Variants in RNF185 observed in about 807,000 individuals in gnomAD.
RNF185 encodes E3 ubiquitin-protein ligase RNF185.
A neutral mutation model predicts 24.9 loss-of-function variants in RNF185; 13 were observed. That is an observed-to-expected ratio of 0.52 (90% CI 0.34 to 0.83). The LOEUF is 0.83. Ranked by LOEUF, RNF185 falls within the 40% of genes least tolerant of loss-of-function variation. The probability of loss-of-function intolerance (pLI) is 0.01; values close to 1 mark genes in which losing one functional copy is unlikely to be tolerated. For synonymous variants in RNF185, 79 were observed against 90.3 expected (o/e 0.88, Z 0.71); for missense variants, 184 against 244.7 (o/e 0.75, Z 1.65).
chr22:31,186,462 TGTG>T (rs368622561), intron 1 of RNF185, among the ~76,000 whole-genome samples: 1,950 of 152,046 alleles, frequency 0.013, 47 homozygotes, highest in African/African-American at 0.044. Flanking sequence ...ATTAGCCAGG[TGTG>T]GTGGCAGGCA....
chr22:31,194,547 GTGAAA>G (rs1197499861), intron 3 of RNF185, among the ~76,000 whole-genome samples: 1 of 152,064 alleles, frequency 6.6e-6, no homozygotes, highest in Non-Finnish European at 1.5e-5. Context: ...GGCCAACATG[GTGAAA>G]CCCTGTCTCT....
chr22:31,184,901 C>T (rs993322338), intron 1 of RNF185, among the ~76,000 whole-genome samples: 6 of 111,394 alleles, frequency 5.4e-5, no homozygotes, highest in East Asian at 3.0e-4. Flanking sequence ...AGAGGGAGAC[C>T]GTGCAAAGGG....
At chr22:31,164,295 T>C (rs1923768827) in intron 1 of RNF185, among the ~76,000 whole-genome samples, 1 of 152,214 alleles carries the variant, frequency 6.6e-6, no homozygotes, top group Non-Finnish European at 1.5e-5. Flanking sequence ...TATTTTGAAA[T>C]AATTTTACTC....
intron 1 of RNF185, among the ~76,000 whole-genome samples, chr22:31,179,003 A>G (rs1208154920): frequency 6.6e-6 from 1 of 152,228 alleles, no homozygotes; most frequent in Non-Finnish European, 1.5e-5. Flanking sequence ...TCCCTGGCCC[A>G]GTGTCCTCAT....
intron 1 of RNF185, among the ~76,000 whole-genome samples, chr22:31,168,913 A>T (rs1924106032): frequency 6.6e-6 from 1 of 151,602 alleles, no homozygotes; most frequent in African/African-American, 2.4e-5. Context: ...ACCACCCTTT[A>T]AAAATTTTTT....
intron 2 of RNF185, among the ~76,000 whole-genome samples, chr22:31,190,572 C>G (rs1356353525): frequency 1.3e-5 from 2 of 151,666 alleles, no homozygotes; most frequent in Non-Finnish European, 2.9e-5. Flanking sequence ...CAGGCGTGAG[C>G]CACCACGCCC....
chr22:31,193,958 T>C (rs2048179656), intron 3 of RNF185, among the ~76,000 whole-genome samples: 1 of 146,490 alleles, frequency 6.8e-6, no homozygotes, highest in Non-Finnish European at 1.5e-5. Context: ...AATGGTGAGA[T>C]CTCGGCTCAC....
At chr22:31,169,872 A>G (rs1339576426) in intron 1 of RNF185, among the ~76,000 whole-genome samples, 1 of 150,816 alleles carries the variant, frequency 6.6e-6, no homozygotes, top group African/African-American at 2.4e-5. Flanking sequence ...TCTACTCTGC[A>G]TCTGCTGTAG....
intron 1 of RNF185, among the ~76,000 whole-genome samples, chr22:31,179,673 G>A (rs1390457261): frequency 6.6e-6 from 1 of 152,200 alleles, no homozygotes; most frequent in African/African-American, 2.4e-5. Context: ...TGCCTGGCCT[G>A]GCACAAGGCT....
chr22:31,200,421 A>G (rs1213302023), intron 5 of RNF185, among the ~76,000 whole-genome samples: 1 of 152,222 alleles, frequency 6.6e-6, no homozygotes, highest in Non-Finnish European at 1.5e-5. Flanking sequence ...TTTTAGATCT[A>G]AACTGTACTC....
chr22:31,166,975 C>T (rs1923962971), intron 1 of RNF185, among the ~76,000 whole-genome samples: 1 of 152,116 alleles, frequency 6.6e-6, no homozygotes, highest in Non-Finnish European at 1.5e-5. Flanking sequence ...TGATGGCCTA[C>T]ATAGATTTCC....
rs561280437 is a variant in RNF185 at position 31,185,595 on chromosome 22, G to A, written c.-48-1452G>A. ...GAAAATTATGATCAGTAGAGGGAAA[G>A]GGAGGTTCCCAGAACCACCTAGCAA... On this transcript the variant is annotated intron_variant, in intron 1 of 6. Transcript: ENST00000326132. 3.3e-5 allele frequency among the ~76,000 whole-genome samples: 5 copies of A among 152,276 alleles called. No individual in the cohort carries two copies. The East Asian group carries it at 9.6e-4, about 29-fold the overall frequency.
intron 1 of RNF185, among the ~76,000 whole-genome samples, chr22:31,173,871 C>T (rs540035866): frequency 1.3e-5 from 2 of 152,288 alleles, no homozygotes; most frequent in African/African-American, 4.8e-5. Flanking sequence ...CATAAACATA[C>T]ACAGTTCTGA....
rs1031639700 is a variant in RNF185 at position 31,205,964 on chromosome 22, C to T, written c.*1378C>T. The T allele has an allele frequency of 1.3e-5, 2 of 154,354 alleles. No individual in the cohort carries two copies. Among genetic ancestry groups the T allele is most frequent in the Non-Finnish European group, 2.9e-5 (2 of 68,222 alleles). The allele number at this position is 154,354 out of a possible 1,614,324, so 9.6% of individuals were successfully genotyped here. A position where few individuals can be genotyped will look rare whatever the true frequency, so the allele number is the denominator to read the frequency against. On this transcript the variant is annotated 3_prime_UTR_variant, in exon 7 of 7. Transcript: ENST00000326132. ...TTCACCTGGTGGAACAGTTCTTGCT[C>T]TGCCTTCTAGGCTTCATCCCAGAAA...
chr22:31,205,991 C>T lies in RNF185; in HGVS notation c.*1405C>T, dbSNP rs1232379220. ...GCCTTCTAGGCTTCATCCCAGAAATCCAGCCTCTTTCTGGAGACCCCAAAG... is the reference window on the plus strand; with the variant it reads ...GCCTTCTAGGCTTCATCCCAGAAATTCAGCCTCTTTCTGGAGACCCCAAAG... On this transcript the variant is annotated 3_prime_UTR_variant, in exon 7 of 7. Transcript: ENST00000326132. 1.3e-5 allele frequency: 2 copies of T among 154,506 alleles called. No homozygotes were observed. The highest frequency in any genetic ancestry group is 2.4e-5 in the African/African-American group (1 of 41,530). The allele number at this position is 154,506 out of a possible 1,614,324, so 9.6% of individuals were successfully genotyped here.
chr22:31,164,365 C>A (rs1244778766), intron 1 of RNF185, among the ~76,000 whole-genome samples: 1 of 152,178 alleles, frequency 6.6e-6, no homozygotes, highest in Non-Finnish European at 1.5e-5. Flanking sequence ...TCTAACTTCA[C>A]CTAATGTCAA....
At chr22:31,176,497 T>C (rs1000562617) in intron 1 of RNF185, among the ~76,000 whole-genome samples, 1 of 151,092 alleles carries the variant, frequency 6.6e-6, no homozygotes, top group Non-Finnish European at 1.5e-5. Context: ...TTTTCTTTTT[T>C]TTTTTTTTTT....
chr22:31,201,045 CTAAT>C (rs68095217), intron 5 of RNF185, among the ~76,000 whole-genome samples: 6,774 of 152,208 alleles, frequency 0.045, 551 homozygotes, highest in East Asian at 0.37. Flanking sequence ...CCATTGTTGG[CTAAT>C]TAGAGTTTCA....
rs1433035982 is a variant in RNF185 at position 31,192,706 on chromosome 22, A to C, written c.195+4A>C. On this transcript the variant is annotated splice_donor_region_variant and intron_variant, in intron 3 of 6. Transcript: ENST00000326132. The stretch of plus-strand genomic sequence containing the variant: ...CAGTTGGCCGTGTTTACATCAGGTA[A>C]GATGCATTTCATTTTACTTTGTCTT... 1 of 1,613,502 alleles carries C rather than the reference A, an allele frequency of 6.2e-7. No homozygotes were observed. The highest frequency in any genetic ancestry group is 1.3e-5 in the African/African-American group (1 of 74,896).
Sources: allele counts gnomAD v4.1 joint callset (sites outside exome capture counted in the v4.1 genomes callset), GRCh38; gene constraint gnomAD v4.1.1; transcripts MANE v1.5; gene names NCBI Gene and HGNC (gene_info 2026-07-23, HGNC 2026-07-21).